ENTREP2: variants seen among roughly 807,000 people sequenced by gnomAD.
ENTREP2 encodes the protein endosomal transmembrane epsin interactor 2, also known as protein ENTREP2.
At chr15:29,323,905 G>C in the ENTREP2 span, among the ~76,000 whole-genome samples, 1 of 152,152 alleles carries the variant, frequency 6.6e-6, no homozygotes, top group Admixed American at 6.5e-5. Context: ...TGTGTTATTT[G>C]AGAGTGAATA....
the ENTREP2 span, among the ~76,000 whole-genome samples, chr15:29,390,171 T>C: frequency 6.6e-6 from 1 of 152,202 alleles, no homozygotes; most frequent in African/African-American, 2.4e-5. Context: ...GATCTTGAAC[T>C]GTTTTTGCTC....
the ENTREP2 span, among the ~76,000 whole-genome samples, chr15:29,665,340 G>A: frequency 6.6e-6 from 1 of 152,216 alleles, no homozygotes; most frequent in Non-Finnish European, 1.5e-5. Flanking sequence ...TTGCAATATA[G>A]GCAAAATGCA....
the ENTREP2 span, among the ~76,000 whole-genome samples, chr15:29,340,031 C>G: frequency 2.6e-5 from 4 of 152,212 alleles, no homozygotes; most frequent in Admixed American, 2.0e-4. Flanking sequence ...GGATAAGACA[C>G]TAAGATTCTC....
At chr15:29,220,547 ATTCT>A in the ENTREP2 span, among the ~76,000 whole-genome samples, 1 of 152,286 alleles carries the variant, frequency 6.6e-6, no homozygotes, top group South Asian at 2.1e-4. Context: ...GAGCTGCCGC[ATTCT>A]TTGTTTCTAA....
At chr15:29,268,786 A>G in the ENTREP2 span, 2 of 1,594,122 alleles carry the variant, frequency 1.3e-6, no homozygotes, top group African/African-American at 2.7e-5. Context: ...CTCTGAATCC[A>G]CCTTTCAAGA....
At chr15:29,490,177 C>G in the ENTREP2 span, among the ~76,000 whole-genome samples, 4 of 152,124 alleles carry the variant, frequency 2.6e-5, no homozygotes, top group African/African-American at 9.7e-5. Flanking sequence ...TTCTTAAAGG[C>G]CGGTGCATCT....
the ENTREP2 span, among the ~76,000 whole-genome samples, chr15:29,566,782 A>G: frequency 4.0e-5 from 6 of 149,552 alleles, no homozygotes; most frequent in Non-Finnish European, 1.5e-5. Flanking sequence ...AGTTATTTTT[A>G]CTTTTTATAT....
the ENTREP2 span, among the ~76,000 whole-genome samples, chr15:29,299,742 G>A: frequency 6.2e-4 from 94 of 152,174 alleles, 1 homozygote; most frequent in Non-Finnish European, 2.9e-5. Context: ...CCCTCATGAG[G>A]ATGTAAGCTT....
chr15:29,392,004 T>C, the ENTREP2 span, among the ~76,000 whole-genome samples: 20 of 152,128 alleles, frequency 1.3e-4, no homozygotes, highest in Admixed American at 1.3e-3. Flanking sequence ...TTTTTTCCTA[T>C]TTTTTAGTAG....
the ENTREP2 span, among the ~76,000 whole-genome samples, chr15:29,208,215 C>T: frequency 1.1e-4 from 16 of 147,952 alleles, no homozygotes; most frequent in Non-Finnish European, 2.2e-4. Context: ...CTGTTCTGGG[C>T]ACTTAATGCC....
At chr15:29,436,808 C>T in the ENTREP2 span, among the ~76,000 whole-genome samples, 1 of 152,196 alleles carries the variant, frequency 6.6e-6, no homozygotes, top group Non-Finnish European at 1.5e-5. Context: ...GTATTAATTA[C>T]TTGGGAGAAA....
the ENTREP2 span, among the ~76,000 whole-genome samples, chr15:29,406,527 G>A: frequency 4.2e-3 from 634 of 152,022 alleles, 5 homozygotes; most frequent in African/African-American, 0.015. Flanking sequence ...CAGCCTGGGC[G>A]ACAGAGCGAA....
the ENTREP2 span, among the ~76,000 whole-genome samples, chr15:29,178,642 T>C: frequency 1.3e-5 from 2 of 152,094 alleles, no homozygotes; most frequent in Non-Finnish European, 2.9e-5. Flanking sequence ...CTTAAGTTTC[T>C]GCTAAGATTT....
At chr15:29,157,731 CTT>C in the ENTREP2 span, among the ~76,000 whole-genome samples, 486 of 129,568 alleles carry the variant, frequency 3.8e-3, no homozygotes, top group Middle Eastern at 7.9e-3. Context: ...ATAGCGACAT[CTT>C]TTTTTTTTTT....
the ENTREP2 span, among the ~76,000 whole-genome samples, chr15:29,332,298 G>A: frequency 6.6e-6 from 1 of 152,008 alleles, no homozygotes; most frequent in Non-Finnish European, 1.5e-5. Context: ...TAACTCTATA[G>A]CCATAGCTTT....
the ENTREP2 span, among the ~76,000 whole-genome samples, chr15:29,228,493 G>A: frequency 1.3e-5 from 2 of 152,090 alleles, no homozygotes; most frequent in Non-Finnish European, 2.9e-5. Context: ...TTTCTATTAG[G>A]GATGATGAAA....
the ENTREP2 span, among the ~76,000 whole-genome samples, chr15:29,227,901 A>G: frequency 6.6e-6 from 1 of 152,214 alleles, no homozygotes; most frequent in Non-Finnish European, 1.5e-5. Flanking sequence ...GAGAATTTTA[A>G]TCACACCACA....
chr15:29,644,021 A>G, the ENTREP2 span, among the ~76,000 whole-genome samples: 1 of 152,160 alleles, frequency 6.6e-6, no homozygotes, highest in Non-Finnish European at 1.5e-5. Flanking sequence ...TAATATCCAA[A>G]AAGTGGAAAC....
chr15:29,122,612 GA>G, the ENTREP2 span: 4 of 152,242 alleles, frequency 2.6e-5, no homozygotes, highest in East Asian at 3.9e-4. Context: ...GGCCCAAGAG[GA>G]GGGGGGGAAG....
Sources: allele counts gnomAD v4.1 joint callset (sites outside exome capture counted in the v4.1 genomes callset), GRCh38; gene constraint gnomAD v4.1.1; transcripts MANE v1.5; gene names NCBI Gene and HGNC (gene_info 2026-07-23, HGNC 2026-07-21).